SDCCAG8: variants seen among roughly 807,000 people sequenced by gnomAD.
SDCCAG8 encodes serologically defined colon cancer antigen 8.
SDCCAG8 carries 74 observed loss-of-function variants against 101.8 expected under a neutral mutation model. The ratio of observed to expected loss-of-function variants is 0.73; its 90% confidence interval spans 0.60 to 0.88. The LOEUF is 0.88. Ranked by LOEUF, SDCCAG8 falls within the 40% of genes least tolerant of loss-of-function variation. The pLI is 0.00. For missense variants in SDCCAG8, 787 were observed against 822.6 expected, an observed-to-expected ratio of 0.96 and a Z score of 0.53; for synonymous variants, 281 against 292.9, an observed-to-expected ratio of 0.96 and a Z score of 0.41.
chr1:243,398,798 C>A (rs1364569444), intron 13 of SDCCAG8, among the ~76,000 whole-genome samples: 4 of 152,148 alleles, frequency 2.6e-5, no homozygotes, highest in Admixed American at 1.3e-4. Flanking sequence ...TAGGTAGAAC[C>A]AATAGCTTCC....
chr1:243,368,140 G>A (rs1484607420), intron 12 of SDCCAG8, among the ~76,000 whole-genome samples: 2 of 151,676 alleles, frequency 1.3e-5, no homozygotes, highest in African/African-American at 4.8e-5. Context: ...CTCTTGAGCC[G>A]GGGAGGTTAA....
intron 16 of SDCCAG8, among the ~76,000 whole-genome samples, chr1:243,454,132 G>A (rs2083561655): frequency 6.6e-6 from 1 of 152,074 alleles, no homozygotes; most frequent in Non-Finnish European, 1.5e-5. Context: ...AATTTAAAAT[G>A]AGAACAGATG....
At chr1:243,324,581 C>A (rs1037298728) in intron 9 of SDCCAG8, among the ~76,000 whole-genome samples, 15 of 151,670 alleles carry the variant, frequency 9.9e-5, no homozygotes, top group Admixed American at 9.2e-4. Flanking sequence ...TCCTTAGCCC[C>A]GCAAAGTGCT....
intron 6 of SDCCAG8, among the ~76,000 whole-genome samples, chr1:243,293,897 A>G (rs975287495): frequency 6.6e-6 from 1 of 152,120 alleles, no homozygotes; most frequent in Non-Finnish European, 1.5e-5. Flanking sequence ...AAGTTCATCA[A>G]TTCGTTTTTC....
At chr1:243,482,577 G>A (rs1663960895) in intron 16 of SDCCAG8, among the ~76,000 whole-genome samples, 1 of 152,202 alleles carries the variant, frequency 6.6e-6, no homozygotes, top group South Asian at 2.1e-4. Flanking sequence ...TGCAGATCCT[G>A]AAGGACATGG....
chr1:243,291,424 G>A (rs2149293118), intron 5 of SDCCAG8, among the ~76,000 whole-genome samples: 1 of 152,260 alleles, frequency 6.6e-6, no homozygotes, highest in South Asian at 2.1e-4. Flanking sequence ...AATTTTCACT[G>A]CCACATGGCA....
chr1:243,410,107 ACTTG>A (rs2147998582), intron 13 of SDCCAG8, among the ~76,000 whole-genome samples: 1 of 152,290 alleles, frequency 6.6e-6, no homozygotes, highest in African/African-American at 2.4e-5. Flanking sequence ...GCTGAGTCTG[ACTTG>A]TACCAGCCCA....
At chr1:243,437,433 A>G (rs2082209506) in intron 16 of SDCCAG8, among the ~76,000 whole-genome samples, 1 of 152,130 alleles carries the variant, frequency 6.6e-6, no homozygotes, top group South Asian at 2.1e-4. Flanking sequence ...CTCTCTGTGT[A>G]CATCAGACTG....
chr1:243,312,610 G>A (rs865790847), intron 8 of SDCCAG8, among the ~76,000 whole-genome samples: 1 of 151,906 alleles, frequency 6.6e-6, no homozygotes, highest in East Asian at 1.9e-4. Flanking sequence ...GGAGGCTGAG[G>A]CAGGAGAATT....
chr1:243,470,575 T>G (rs952785183), intron 16 of SDCCAG8, among the ~76,000 whole-genome samples: 1 of 151,966 alleles, frequency 6.6e-6, no homozygotes, highest in Non-Finnish European at 1.5e-5. Context: ...GAGCCAGGAT[T>G]TCAACGGTGT....
At chr1:243,422,526 T>TA (rs1412764953) in intron 15 of SDCCAG8, among the ~76,000 whole-genome samples, 1 of 152,222 alleles carries the variant, frequency 6.6e-6, no homozygotes, top group Non-Finnish European at 1.5e-5. Flanking sequence ...GTGTGGACTA[T>TA]AATGTGTAAA....
intron 13 of SDCCAG8, among the ~76,000 whole-genome samples, chr1:243,384,866 C>G (rs1400113326): frequency 6.6e-6 from 1 of 152,198 alleles, no homozygotes; most frequent in African/African-American, 2.4e-5. Context: ...GAAAACAAAG[C>G]AAGGCTGCTT....
In SDCCAG8 at chr1:243,486,929, G is replaced by GCT. The variant is rs1410003302; in HGVS notation, c.1986-2085_1986-2084insCT. Among the ~76,000 whole-genome samples the GCT allele has an allele frequency of 2.6e-3, 356 of 136,104 alleles. 1 individual carries two copies. Among genetic ancestry groups the GCT allele is most frequent in the African/African-American group, 0.01 (349 of 34,102 alleles). The allele number at this position is 136,104 out of a possible 152,430, so 89.3% of individuals were successfully genotyped here. On this transcript the variant is annotated intron_variant, in intron 16 of 17. Coordinates refer to ENST00000366541, the MANE Select transcript of SDCCAG8 (RefSeq NM_006642.5). ...TTTTCGAGCAAGCAGGAAGCCACGG[G>GCT]GCTACCTCAGTTGCTCTTAGCCAGT...
At chr1:243,477,938 T>G (rs1290851628) in intron 16 of SDCCAG8, among the ~76,000 whole-genome samples, 1 of 152,168 alleles carries the variant, frequency 6.6e-6, no homozygotes, top group Non-Finnish European at 1.5e-5. Flanking sequence ...AGTCAGAAAT[T>G]TTCAAAACAA....
chr1:243,266,129 A>G (rs2067564870), intron 1 of SDCCAG8, among the ~76,000 whole-genome samples: 2 of 152,246 alleles, frequency 1.3e-5, no homozygotes, highest in African/African-American at 2.4e-5. Context: ...GAATAATTAA[A>G]TAAAGCTAGT....
intron 16 of SDCCAG8, among the ~76,000 whole-genome samples, chr1:243,441,678 T>G (rs1302130001): frequency 6.6e-6 from 1 of 152,204 alleles, no homozygotes; most frequent in Non-Finnish European, 1.5e-5. Flanking sequence ...TTAAAATATA[T>G]ATATGTAAAT....
chr1:243,363,658 C>T (rs1373888681), intron 12 of SDCCAG8, among the ~76,000 whole-genome samples: 7 of 152,186 alleles, frequency 4.6e-5, no homozygotes, highest in South Asian at 2.1e-4. Context: ...TAATCATTTA[C>T]CCTATATCTC....
intron 4 of SDCCAG8, among the ~76,000 whole-genome samples, chr1:243,279,417 C>G (rs1382872947): frequency 6.6e-6 from 1 of 152,200 alleles, no homozygotes; most frequent in Non-Finnish European, 1.5e-5. Flanking sequence ...TAACTGGGAG[C>G]TACAGCTCAC....
intron 16 of SDCCAG8, among the ~76,000 whole-genome samples, chr1:243,459,151 A>T (rs115662459): frequency 0.016 from 2,420 of 152,328 alleles, 34 homozygotes; most frequent in Non-Finnish European, 0.021. Context: ...AGTTATTGAC[A>T]ATTCACTCAG....
Sources: gnomAD v4.1 joint callset for allele counts (sites outside exome capture counted in the v4.1 genomes callset) on GRCh38, gnomAD v4.1.1 for gene constraint, MANE v1.5 for transcripts, NCBI Gene and HGNC (gene_info 2026-07-23, HGNC 2026-07-21) for gene names.